Variants in PDE4B observed in about 807,000 individuals in gnomAD.
PDE4B encodes 3',5'-cyclic-AMP phosphodiesterase 4B.
A neutral mutation model predicts 82.2 loss-of-function variants in PDE4B; 20 were observed. The ratio of observed to expected loss-of-function variants is 0.24; its 90% CI spans 0.17 to 0.35. PDE4B has a LOEUF of 0.35. Ranked by LOEUF, PDE4B falls within the 10% of genes least tolerant of loss-of-function variation. PDE4B has a pLI of 1.00. For missense variants in PDE4B, 655 were observed against 907.2 expected (o/e 0.72, Z 3.57); for synonymous variants, 320 against 318.9 (o/e 1.00, Z -0.04).
At chr1:66,008,226 T>G (rs1652261234) in intron 3 of PDE4B, among the ~76,000 whole-genome samples, 1 of 151,784 alleles carries the variant, frequency 6.6e-6, no homozygotes, top group Non-Finnish European at 1.5e-5. Flanking sequence ...CAAAGGGGAG[T>G]ATTTTGGAGG....
At chr1:65,886,644 C>T (rs1418917952) in intron 1 of PDE4B, among the ~76,000 whole-genome samples, 2 of 152,268 alleles carry the variant, frequency 1.3e-5, no homozygotes, top group Middle Eastern at 3.4e-3. Flanking sequence ...ATTTGTCTTT[C>T]TGTGCCTGGT....
At chr1:65,923,629 T>A (rs559845838) in intron 3 of PDE4B, among the ~76,000 whole-genome samples, 13 of 152,250 alleles carry the variant, frequency 8.5e-5, no homozygotes, top group Middle Eastern at 3.2e-3. Flanking sequence ...TATTTCAGTT[T>A]GTCTGAAAAT....
chr1:65,850,544 G>T (rs1276743531), intron 1 of PDE4B, among the ~76,000 whole-genome samples: 1 of 152,094 alleles, frequency 6.6e-6, no homozygotes, highest in Non-Finnish European at 1.5e-5. Context: ...AGTTATTTTA[G>T]TTGGCCATTT....
chr1:66,356,616 T>C (rs1214471821), intron 9 of PDE4B, among the ~76,000 whole-genome samples: 1 of 152,242 alleles, frequency 6.6e-6, no homozygotes, highest in Non-Finnish European at 1.5e-5. Flanking sequence ...ATGAGCATTT[T>C]CCTTGATGCC....
At chr1:65,825,728 A>G (rs1646008712) in intron 1 of PDE4B, among the ~76,000 whole-genome samples, 2 of 151,804 alleles carry the variant, frequency 1.3e-5, no homozygotes, top group East Asian at 1.9e-4. Context: ...CTATCTATCT[A>G]TCTATCTATC....
chr1:66,313,652 A>C (rs1217757950), intron 7 of PDE4B, among the ~76,000 whole-genome samples: 1 of 152,194 alleles, frequency 6.6e-6, no homozygotes. Flanking sequence ...ATCATCCAAA[A>C]CATTTATCAC....
chr1:66,165,818 A>G (rs969616949), intron 3 of PDE4B, among the ~76,000 whole-genome samples: 4 of 152,144 alleles, frequency 2.6e-5, no homozygotes, highest in Non-Finnish European at 4.4e-5. Context: ...TACTCCCCAG[A>G]TTCGTTTACA....
At chr1:66,224,600 T>A (rs1404800610) in intron 3 of PDE4B, among the ~76,000 whole-genome samples, 5 of 152,158 alleles carry the variant, frequency 3.3e-5, no homozygotes, top group African/African-American at 1.2e-4. Context: ...GTGCCTGTAA[T>A]CCCAGCTACT....
chr1:66,237,457 TAA>T (rs1378567201), intron 3 of PDE4B, among the ~76,000 whole-genome samples: 2 of 152,240 alleles, frequency 1.3e-5, no homozygotes, highest in Admixed American at 6.5e-5. Context: ...CTTGAAATAT[TAA>T]GTTATGCTGT....
chr1:65,930,261 G>A (rs959115347), intron 3 of PDE4B, among the ~76,000 whole-genome samples: 3 of 152,088 alleles, frequency 2.0e-5, no homozygotes, highest in Admixed American at 1.3e-4. Context: ...CCTCTTTCCC[G>A]AGCCCACTGA....
At chr1:66,045,349 A>G (rs950336497) in intron 3 of PDE4B, among the ~76,000 whole-genome samples, 1 of 151,618 alleles carries the variant, frequency 6.6e-6, no homozygotes, top group East Asian at 1.9e-4. Flanking sequence ...TTTGAAGTCT[A>G]ATCTAACTCC....
At chr1:66,240,113 C>A (rs1053232679) in intron 3 of PDE4B, among the ~76,000 whole-genome samples, 1 of 152,178 alleles carries the variant, frequency 6.6e-6, no homozygotes, top group Non-Finnish European at 1.5e-5. Flanking sequence ...CTTTATGGAG[C>A]TAACTTTTAG....
chr1:65,900,965 C>A (rs929162981), intron 1 of PDE4B, among the ~76,000 whole-genome samples: 1 of 152,034 alleles, frequency 6.6e-6, no homozygotes, highest in Non-Finnish European at 1.5e-5. Flanking sequence ...TGCCTGATTG[C>A]TCTGGCTAGG....
chr1:66,010,719 A>G (rs1387222576), intron 3 of PDE4B, among the ~76,000 whole-genome samples: 1 of 148,462 alleles, frequency 6.7e-6, no homozygotes, highest in Non-Finnish European at 1.5e-5. Context: ...ACTTTTTGAC[A>G]TCATGTGATG....
At chr1:65,887,246 C>T (rs201150192) in intron 1 of PDE4B, among the ~76,000 whole-genome samples, 2,482 of 21,288 alleles carry the variant, frequency 0.12, 52 homozygotes, top group African/African-American at 0.19. Context: ...TTCTTTCTTT[C>T]TTTTCTTTCT....
intron 3 of PDE4B, among the ~76,000 whole-genome samples, chr1:66,018,352 G>A (rs972935028): frequency 2.0e-5 from 3 of 152,056 alleles, no homozygotes; most frequent in African/African-American, 7.2e-5. Context: ...CCCAGGAGGC[G>A]GAGCTTGCAG....
chr1:66,198,713 ACTCGT>A (rs1239368607), intron 3 of PDE4B, among the ~76,000 whole-genome samples: 6 of 151,876 alleles, frequency 4.0e-5, no homozygotes, highest in Non-Finnish European at 7.4e-5. Flanking sequence ...GCACCCATTA[ACTCGT>A]CATTTAGAAT....
chr1:66,306,607 G>T (rs1188799249), intron 7 of PDE4B, among the ~76,000 whole-genome samples: 1 of 152,178 alleles, frequency 6.6e-6, no homozygotes, highest in Admixed American at 6.6e-5. Flanking sequence ...AAAACCTAGG[G>T]AGATTGGTAG....
chr1:66,130,104 A>C (rs758745624), intron 3 of PDE4B, among the ~76,000 whole-genome samples: 1 of 152,240 alleles, frequency 6.6e-6, no homozygotes, highest in South Asian at 2.1e-4. Flanking sequence ...CACATGGCTC[A>C]AATCTTTACA....
Sources: gnomAD v4.1 joint callset for allele counts (sites outside exome capture counted in the v4.1 genomes callset) on GRCh38, gnomAD v4.1.1 for gene constraint, MANE v1.5 for transcripts, NCBI Gene and HGNC (gene_info 2026-07-23, HGNC 2026-07-21) for gene names.